Variants in NRCAM observed in about 807,000 individuals in gnomAD.
NRCAM encodes the protein neuronal cell adhesion molecule, also known as NgCAM-related cell adhesion molecule.
NRCAM carries 83 observed loss-of-function variants against 156.5 expected under a neutral mutation model. The ratio of observed to expected loss-of-function variants is 0.53; its 90% CI spans 0.44 to 0.64. The LOEUF (loss-of-function observed/expected upper bound fraction) is 0.64. Ranked by LOEUF, NRCAM falls within the 30% of genes least tolerant of loss-of-function variation. The pLI is 0.00. For missense variants in NRCAM, 1,417 were observed against 1,597.3 expected, an observed-to-expected ratio of 0.89 and a Z score of 1.92; for synonymous variants, 538 against 563.9, an observed-to-expected ratio of 0.95 and a Z score of 0.65.
intron 3 of NRCAM, among the ~76,000 whole-genome samples, chr7:108,290,075 C>T (rs1445500993): frequency 6.6e-6 from 1 of 152,118 alleles, no homozygotes; most frequent in Non-Finnish European, 1.5e-5. Context: ...TAGGCTTATA[C>T]ATTAATCTCA....
In NRCAM at chr7:108,234,705, A is replaced by T. The variant is rs762913865; in HGVS notation, c.125-17T>A. 20 of 1,500,020 alleles carry T rather than the reference A, an allele frequency of 1.3e-5. No individual in the cohort carries two copies. Among genetic ancestry groups the T allele is most frequent in the Non-Finnish European group, 1.8e-5 (19 of 1,080,384 alleles). 92.9% of individuals were successfully genotyped at this position (1,500,020 alleles called of 1,614,324 possible). On this transcript the variant is annotated splice_polypyrimidine_tract_variant and intron_variant, in intron 5 of 32. Transcript: ENST00000379028. ...GCTGTACCACTTAATTGTAGAAAAA[A>T]AAAAATGTAAAAAAACAAATTATTT...
chr7:108,194,915 T>G (rs78583640), intron 15 of NRCAM, among the ~76,000 whole-genome samples: 3 of 152,038 alleles, frequency 2.0e-5, no homozygotes, highest in Non-Finnish European at 2.9e-5. Context: ...TAGGAGGAGG[T>G]AGAGGACTTA....
Position 108,149,979 on chromosome 7 carries a change from T to C in NRCAM, c.3846A>G (p.Lys1282=), listed in dbSNP as rs1228580520. 8 of 1,614,068 alleles carry C rather than the reference T, an allele frequency of 5.0e-6. No individual in the cohort carries two copies. Among genetic ancestry groups the C allele is most frequent in the Non-Finnish European group, 6.8e-6 (8 of 1,179,958 alleles). ...AGCTTTCGTTTCCTTCAGCCGGCTC[T>C]TTCTCTTTCTTACCACTGTATTGTC... is the stretch of plus-strand genomic sequence containing the variant. ...FIGQYSGKKE[K]EPAEGNESSE... The change falls in exon 33 of 33, where the codon AAA becomes AAG. Residue 1282 remains lysine, a synonymous_variant. Transcript: ENST00000379028.
intron 13 of NRCAM, among the ~76,000 whole-genome samples, chr7:108,204,593 C>A (rs965748326): frequency 6.6e-6 from 1 of 152,222 alleles, no homozygotes; most frequent in African/African-American, 2.4e-5. Context: ...CACCACGGAG[C>A]GGCCTGGTGG....
intron 3 of NRCAM, among the ~76,000 whole-genome samples, chr7:108,274,983 C>G (rs2097538600): frequency 6.6e-6 from 1 of 152,122 alleles, no homozygotes; most frequent in African/African-American, 2.4e-5. Flanking sequence ...TTTTCTGTAT[C>G]TATTGAGATA....
chr7:108,177,601 T>C (rs1224726793), intron 26 of NRCAM, among the ~76,000 whole-genome samples: 4 of 149,176 alleles, frequency 2.7e-5, no homozygotes, highest in South Asian at 4.2e-4. Context: ...CCAGCCTGGG[T>C]GACAGAGCGA....
intron 2 of NRCAM, among the ~76,000 whole-genome samples, chr7:108,337,316 T>C (rs867740850): frequency 2.0e-5 from 3 of 151,608 alleles, no homozygotes; most frequent in East Asian, 3.9e-4. Context: ...TCCCTTTGTA[T>C]AGGAGCTCTG....
At chr7:108,185,735 G>GAAAAAAAAA (rs34028548) in intron 20 of NRCAM, among the ~76,000 whole-genome samples, 3 of 128,492 alleles carry the variant, frequency 2.3e-5, no homozygotes, top group Admixed American at 8.2e-5. Flanking sequence ...AGAGAGAGAG[G>GAAAAAAAAA]AAAAAAAAAA....
intron 26 of NRCAM, among the ~76,000 whole-genome samples, chr7:108,177,154 T>C (rs2060831053): frequency 6.6e-6 from 1 of 152,216 alleles, no homozygotes; most frequent in Non-Finnish European, 1.5e-5. Flanking sequence ...TATGTATATA[T>C]TCTACAGATA....
intron 5 of NRCAM, 167 bp from the exon 6 acceptor site, chr7:108,234,855 G>A: frequency 1.3e-6 from 1 of 756,772 alleles, no homozygotes. Context: ...TCTGCTAAAG[G>A]TCTGCTAAAA....
At chr7:108,236,589 A>T (rs1037687043) in intron 5 of NRCAM, among the ~76,000 whole-genome samples, 2 of 152,204 alleles carry the variant, frequency 1.3e-5, no homozygotes, top group Admixed American at 1.3e-4. Context: ...TAAAGTTTAA[A>T]AGTAGTATTA....
intron 2 of NRCAM, among the ~76,000 whole-genome samples, chr7:108,345,108 G>T (rs1307705925): frequency 2.0e-5 from 3 of 152,194 alleles, no homozygotes; most frequent in African/African-American, 7.2e-5. Context: ...ATAGTGGAAT[G>T]ATGAAGTGAA....
intron 2 of NRCAM, among the ~76,000 whole-genome samples, chr7:108,346,359 GC>G (rs1322147286): frequency 6.6e-6 from 1 of 152,044 alleles, no homozygotes. Context: ...AACACAGTAT[GC>G]TTTTTTACAT....
At chr7:108,374,681 C>G (rs1365201818) in intron 2 of NRCAM, among the ~76,000 whole-genome samples, 1 of 152,114 alleles carries the variant, frequency 6.6e-6, no homozygotes, top group Non-Finnish European at 1.5e-5. Flanking sequence ...TGTGGTTTCA[C>G]AGATGAAACA....
At chr7:108,370,761 G>C (rs1196045205) in intron 2 of NRCAM, among the ~76,000 whole-genome samples, 1 of 152,066 alleles carries the variant, frequency 6.6e-6, no homozygotes. Flanking sequence ...AAAGCTTCAA[G>C]ACTGTGGTTA....
chr7:108,382,575 C>T (rs1302920740), intron 2 of NRCAM, among the ~76,000 whole-genome samples: 1 of 151,970 alleles, frequency 6.6e-6, no homozygotes, highest in Non-Finnish European at 1.5e-5. Flanking sequence ...CAGCATTGCA[C>T]TCCAGCCTAG....
At position 108,181,882 on chromosome 7, in the gene NRCAM, G is replaced by A. The variant is rs759321719; in HGVS notation, c.2586C>T (p.Ala862=). 2.5e-6 allele frequency: 4 copies of A among 1,613,978 alleles called. No homozygotes were observed. Among genetic ancestry groups the A allele is most frequent in the Admixed American group, 1.7e-5 (1 of 59,986 alleles). ...GAGGTACTGGGTCCCAGTGCACCTC[G>A]GCTAAGGTACTGTTCACCACATTCA... ...VRVNVVNSTL[A]EVHWDPVPLK... is the part of the protein sequence containing the mutation. Residue 862 remains alanine (A), a synonymous_variant, in exon 24 of 33, where the codon GCC becomes GCT. Coordinates refer to ENST00000379028, the MANE Select transcript of NRCAM (RefSeq NM_001037132.4).
At chr7:108,241,305 T>G (rs907930010) in intron 3 of NRCAM, among the ~76,000 whole-genome samples, 1 of 152,182 alleles carries the variant, frequency 6.6e-6, no homozygotes, top group Non-Finnish European at 1.5e-5. Context: ...ATTGGAAGTG[T>G]CCATTGCAAA....
At chr7:108,169,741 G>T (rs566635395) in intron 28 of NRCAM, among the ~76,000 whole-genome samples, 33 of 152,144 alleles carry the variant, frequency 2.2e-4, no homozygotes, top group Non-Finnish European at 1.3e-4. Flanking sequence ...ATAGGAATAT[G>T]ATCAATCAAT....
Sources: allele counts gnomAD v4.1 joint callset (sites outside exome capture counted in the v4.1 genomes callset), GRCh38; gene constraint gnomAD v4.1.1; transcripts MANE v1.5; gene names NCBI Gene and HGNC (gene_info 2026-07-23, HGNC 2026-07-21).